Variants in UBE3D observed in about 807,000 individuals in gnomAD.
UBE3D encodes the protein E3 ubiquitin-protein ligase E3D.
A neutral mutation model predicts 49.6 loss-of-function variants in UBE3D; 48 were observed. The observed-to-expected ratio is 0.97, with a 90% CI of 0.77 to 1.23. The LOEUF (loss-of-function observed/expected upper bound fraction) is 1.23. Among genes scored for constraint, UBE3D ranks in the 50% most tolerant of loss-of-function variants. The pLI is 0.00. For missense variants in UBE3D, 452 were observed against 468.4 expected (o/e 0.96, Z 0.32); for synonymous variants, 189 against 174.2 (o/e 1.08, Z -0.67).
chr6:82,993,118 G>C (rs539522719), intron 8 of UBE3D, among the ~76,000 whole-genome samples: 7 of 152,098 alleles, frequency 4.6e-5, no homozygotes, highest in South Asian at 4.2e-4. Context: ...ACGGGGTCGG[G>C]GGGGAGAGAG....
chr6:83,064,170 T>C (rs1784351178), intron 1 of UBE3D, among the ~76,000 whole-genome samples: 2 of 152,182 alleles, frequency 1.3e-5, no homozygotes, highest in African/African-American at 2.4e-5. Context: ...CATTTATAAG[T>C]AGTTCAAGAA....
At chr6:82,966,649 C>CA (rs1204365470) in intron 8 of UBE3D, among the ~76,000 whole-genome samples, 3,084 of 21,868 alleles carry the variant, frequency 0.14, 271 homozygotes, top group Non-Finnish European at 0.17. Flanking sequence ...GACTCCGTCT[C>CA]AAAAAAAAAA....
intron 1 of UBE3D, among the ~76,000 whole-genome samples, chr6:83,061,252 T>C (rs1784151354): frequency 6.6e-6 from 1 of 152,190 alleles, no homozygotes; most frequent in Non-Finnish European, 1.5e-5. Flanking sequence ...CAATGGAAAA[T>C]GAGGAACTCT....
chr6:82,976,633 T>C (rs1252456160), intron 8 of UBE3D, among the ~76,000 whole-genome samples: 2 of 152,158 alleles, frequency 1.3e-5, no homozygotes, highest in Non-Finnish European at 2.9e-5. Flanking sequence ...TACTCTAAAC[T>C]ATAATTGCCA....
intron 9 of UBE3D, among the ~76,000 whole-genome samples, chr6:82,942,324 C>T (rs1014089680): frequency 6.6e-6 from 1 of 152,050 alleles, no homozygotes; most frequent in African/African-American, 2.4e-5. Context: ...GGAAGCAGAG[C>T]ATAAAAGATT....
chr6:83,036,545 A>G (rs1782270903), intron 5 of UBE3D: 1 of 151,286 alleles, frequency 6.6e-6, no homozygotes, highest in African/African-American at 2.4e-5. Flanking sequence ...CAGTGCTTTT[A>G]ATTTGCTTGC....
chr6:82,897,773 T>C (rs1404870825), intron 9 of UBE3D, among the ~76,000 whole-genome samples: 1 of 152,214 alleles, frequency 6.6e-6, no homozygotes, highest in Non-Finnish European at 1.5e-5. Flanking sequence ...TAGTTTTTTC[T>C]AACTTACTAA....
intron 8 of UBE3D, among the ~76,000 whole-genome samples, chr6:82,989,543 A>T (rs1453775409): frequency 6.6e-6 from 1 of 152,148 alleles, no homozygotes; most frequent in African/African-American, 2.4e-5. Context: ...CATCTATCAC[A>T]ACTACTCAAC....
intron 8 of UBE3D, among the ~76,000 whole-genome samples, chr6:83,009,651 C>A (rs1780209321): frequency 7.5e-6 from 1 of 134,026 alleles, no homozygotes; most frequent in Non-Finnish European, 1.6e-5. Context: ...GAGATTATGA[C>A]ATAAGAGAAA....
intron 9 of UBE3D, among the ~76,000 whole-genome samples, chr6:82,950,150 C>G (rs773765087): frequency 2.9e-4 from 44 of 152,076 alleles, no homozygotes; most frequent in Non-Finnish European, 4.9e-4. Flanking sequence ...ACATATGGAG[C>G]TCAAACAACT....
At chr6:83,039,838 C>G (rs1221318360) in intron 4 of UBE3D, among the ~76,000 whole-genome samples, 3 of 152,018 alleles carry the variant, frequency 2.0e-5, no homozygotes, top group Non-Finnish European at 4.4e-5. Context: ...GAGATGGTTT[C>G]ACCATCTTGG....
chr6:82,933,949 A>G (rs572095406), intron 9 of UBE3D, among the ~76,000 whole-genome samples: 32 of 152,328 alleles, frequency 2.1e-4, no homozygotes, highest in African/African-American at 6.7e-4. Flanking sequence ...TCAAATTAAA[A>G]AAAATCATTA....
rs377642300 is a variant in UBE3D, at chr6:83,053,085, C to G, written c.365+1063G>C. Reference sequence around the variant, plus strand: ...ATGGCCCAAAGGCTTTGAATGTGGCCCAACACAAATACGTAAACTTTCTTA... The same window carrying G: ...ATGGCCCAAAGGCTTTGAATGTGGCGCAACACAAATACGTAAACTTTCTTA... On this transcript the variant is annotated intron_variant, in intron 3 of 9. Coordinates refer to ENST00000369747, the MANE Select transcript of UBE3D (RefSeq NM_198920.3). Among the ~76,000 whole-genome samples, 7 of 144,864 alleles carry G rather than the reference C, an allele frequency of 4.8e-5. No homozygotes were observed. In the East Asian group the frequency reaches 1.2e-3, roughly 26 times the overall value.
chr6:82,993,074 T>A (rs1455291346), intron 8 of UBE3D, among the ~76,000 whole-genome samples: 1 of 151,868 alleles, frequency 6.6e-6, no homozygotes, highest in Non-Finnish European at 1.5e-5. Context: ...TTTCACCTTA[T>A]CTCTGGTGTT....
At chr6:83,022,363 T>A in intron 7 of UBE3D, 90 bp downstream of exon 7, 1 of 866,164 alleles carries the variant, frequency 1.2e-6, no homozygotes, top group Non-Finnish European at 1.7e-6. Context: ...TTTCCACACC[T>A]GAGAATTAAG....
intron 2 of UBE3D, 134 bp downstream of exon 2, chr6:83,057,692 C>A (rs993909544): frequency 1.8e-5 from 14 of 792,624 alleles, no homozygotes; most frequent in Non-Finnish European, 2.6e-5. Flanking sequence ...CAGCCAATAA[C>A]TGGCAGAGCT....
At chr6:82,920,657 C>T (rs1286304280) in intron 9 of UBE3D, among the ~76,000 whole-genome samples, 1 of 152,152 alleles carries the variant, frequency 6.6e-6, no homozygotes, top group Non-Finnish European at 1.5e-5. Flanking sequence ...CCTAATAAAG[C>T]ACTTGGTATA....
intron 9 of UBE3D, 151 bp from the exon 10 acceptor site, chr6:82,893,193 T>A (rs769704738): frequency 4.8e-6 from 4 of 838,106 alleles, no homozygotes; most frequent in Non-Finnish European, 7.6e-6. Flanking sequence ...CTAGACATTT[T>A]ATTTTACAGC....
intron 1 of UBE3D, among the ~76,000 whole-genome samples, chr6:83,065,038 C>G (rs1056838888): frequency 2.6e-5 from 4 of 152,094 alleles, no homozygotes; most frequent in African/African-American, 9.7e-5. Flanking sequence ...ATTTGTGTAG[C>G]GAATAACAAG....
Sources: gnomAD v4.1 joint callset for allele counts (sites outside exome capture counted in the v4.1 genomes callset) on GRCh38, gnomAD v4.1.1 for gene constraint, MANE v1.5 for transcripts, NCBI Gene and HGNC (gene_info 2026-07-23, HGNC 2026-07-21) for gene names.